NHSL1: variants seen among roughly 807,000 people sequenced by gnomAD.
The protein encoded by NHSL1 is NHS-like protein 1.
A neutral mutation model predicts 95.0 loss-of-function variants in NHSL1; 48 were observed. The ratio of observed to expected loss-of-function variants is 0.51; its 90% CI spans 0.40 to 0.64. NHSL1 has a LOEUF of 0.64. NHSL1 is among the 30% of genes least tolerant of loss of function. The pLI is 0.00. For synonymous variants in NHSL1, 783 were observed against 833.9 expected, an observed-to-expected ratio of 0.94 and a Z score of 1.05; for missense variants, 1,971 against 2,077.7, an observed-to-expected ratio of 0.95 and a Z score of 1.00.
At chr6:138,510,761 T>G (rs971223244) in intron 1 of NHSL1, among the ~76,000 whole-genome samples, 1 of 152,204 alleles carries the variant, frequency 6.6e-6, no homozygotes, top group Non-Finnish European at 1.5e-5. Flanking sequence ...CAATTCATAT[T>G]GAAAAGACCA....
At chr6:138,481,979 A>G (rs182573657) in intron 2 of NHSL1, among the ~76,000 whole-genome samples, 2 of 152,330 alleles carry the variant, frequency 1.3e-5, no homozygotes, top group African/African-American at 4.8e-5. Context: ...AAAAGTAAAT[A>G]TTTTATCTCT....
At chr6:138,461,853 C>T (rs1031061940) in intron 3 of NHSL1, among the ~76,000 whole-genome samples, 4 of 152,074 alleles carry the variant, frequency 2.6e-5, no homozygotes, top group Admixed American at 6.6e-5. Flanking sequence ...ATGATGCAAT[C>T]AAGACAGAAA....
chr6:138,461,958 C>G (rs565890745), intron 3 of NHSL1, among the ~76,000 whole-genome samples: 1 of 152,284 alleles, frequency 6.6e-6, no homozygotes, highest in African/African-American at 2.4e-5. Context: ...TGAGTGCCTA[C>G]TGTGTGCCAG....
At chr6:138,599,474 T>C (rs1784344648) in intron 1 of NHSL1, among the ~76,000 whole-genome samples, 1 of 152,066 alleles carries the variant, frequency 6.6e-6, no homozygotes, top group Non-Finnish European at 1.5e-5. Context: ...ACTGCACCAT[T>C]GCACTCCAGC....
chr6:138,692,962 C>T (rs1042848735), upstream of NHSL1, among the ~76,000 whole-genome samples: 1 of 151,014 alleles, frequency 6.6e-6, no homozygotes, highest in Non-Finnish European at 1.5e-5. This position sits in a 1 kb window ranked among gnomAD's most constrained non-coding sequence, Gnocchi z 4.0. Flanking sequence ...AGCGGGCACC[C>T]GGGCGGCGCG....
In NHSL1 at chr6:138,651,747, G is replaced by A. The variant is rs191020379; in HGVS notation, c.96+40729C>T. ...TCACCACCAGCAAAGAGCTCAAGGC[G>A]CTTACATGAGCAAAGTTACATTGAC... On this transcript the variant is annotated intron_variant, in intron 1 of 3. Coordinates refer to the NHSL1 transcript ENST00000491526. Among the ~76,000 whole-genome samples, 40 of 152,272 alleles carry A rather than the reference G, an allele frequency of 2.6e-4. No homozygotes were observed. The East Asian group carries it at 6.4e-3, about 24-fold the overall frequency.
intron 1 of NHSL1, among the ~76,000 whole-genome samples, chr6:138,600,297 A>C (rs1033363992): frequency 6.6e-6 from 1 of 152,140 alleles, no homozygotes; most frequent in African/African-American, 2.4e-5. Context: ...GCAGTAGCAC[A>C]ATGATGGCTC....
intron 1 of NHSL1, among the ~76,000 whole-genome samples, chr6:138,668,626 C>CTT (rs1231203513): frequency 5.7e-4 from 74 of 130,398 alleles, no homozygotes; most frequent in Middle Eastern, 4.0e-3. Flanking sequence ...ATTTTTTTTT[C>CTT]TTTTTTTTTT....
intron 1 of NHSL1, among the ~76,000 whole-genome samples, chr6:138,606,337 C>T (rs1286686777): frequency 6.6e-6 from 1 of 152,204 alleles, no homozygotes; most frequent in African/African-American, 2.4e-5. Context: ...ACTATCATCA[C>T]AACATTTCAA....
intron 1 of NHSL1, among the ~76,000 whole-genome samples, chr6:138,523,627 GAAAAAA>G (rs67335375): frequency 6.2e-5 from 4 of 64,890 alleles, no homozygotes; most frequent in Admixed American, 1.5e-4. Flanking sequence ...TTTTAAAGAG[GAAAAAA>G]AAAAAAAAAA....
chr6:138,424,997 C>T lies in NHSL1; in HGVS notation c.4086-181G>A, dbSNP rs184390831. ...GTAATCCCAGCATTTTGGGAGGCCA[C>T]GGTGGGAGGATCACTTGAGCTTAGG... On this transcript the variant is annotated intron_variant, in intron 7 of 7. Coordinates refer to ENST00000343505, the MANE Select transcript of NHSL1 (RefSeq NM_001144060.2). This position sits in a 1 kb window ranked among gnomAD's most constrained non-coding sequence, Gnocchi z 5.9. 2.9e-3 allele frequency among the ~76,000 whole-genome samples: 433 copies of T among 151,926 alleles called. 5 individuals carry two copies. The highest frequency in any genetic ancestry group is 0.02 in the Admixed American group (299 of 15,268).
At chr6:138,511,445 TGTGA>T (rs1781225537) in intron 1 of NHSL1, among the ~76,000 whole-genome samples, 1 of 151,752 alleles carries the variant, frequency 6.6e-6, no homozygotes. Flanking sequence ...TGTATGTGTG[TGTGA>T]GTGTGTTTTG....
intron 5 of NHSL1, among the ~76,000 whole-genome samples, chr6:138,436,715 C>T (rs1776124788): frequency 6.6e-6 from 1 of 152,200 alleles, no homozygotes; most frequent in South Asian, 2.1e-4. Context: ...GGAGTCAATG[C>T]CTGTCTTCAA....
intron 5 of NHSL1, among the ~76,000 whole-genome samples, chr6:138,437,445 CA>C (rs1202687511): frequency 0.022 from 1,359 of 61,800 alleles, 69 homozygotes; most frequent in African/African-American, 0.049. Flanking sequence ...CACACACACA[CA>C]AAAAAAAAAA....
At position 138,483,297 on chromosome 6, in the gene NHSL1, T is replaced by G. The variant is rs146034464; in HGVS notation, c.212-9864A>C. Among the ~76,000 whole-genome samples, 30 of 152,346 alleles carry G rather than the reference T, an allele frequency of 2.0e-4. No homozygotes were observed. The East Asian group carries it at 5.8e-3, about 29-fold the overall frequency. On this transcript the variant is annotated intron_variant, in intron 2 of 7. Coordinates refer to ENST00000343505, the MANE Select transcript of NHSL1 (RefSeq NM_001144060.2). Reference sequence around the variant, plus strand: ...AAGGAAAAGAGGGTTGGTCTGTTCTTTTTATTATGTCACAAATGATCCACA... The same window carrying G: ...AAGGAAAAGAGGGTTGGTCTGTTCTGTTTATTATGTCACAAATGATCCACA...
chr6:138,437,570 C>T (rs1270073119), intron 5 of NHSL1, among the ~76,000 whole-genome samples: 1 of 151,446 alleles, frequency 6.6e-6, no homozygotes, highest in East Asian at 1.9e-4. Flanking sequence ...GTAATTTTGA[C>T]TTTCAAGTCT....
rs545094561 is a variant in NHSL1, at chr6:138,446,203, A to T, written c.532+798T>A. Among the ~76,000 whole-genome samples the T allele has an allele frequency of 2.0e-5, 3 of 152,006 alleles. No homozygotes were observed. The East Asian group carries it at 5.8e-4, about 29-fold the overall frequency. On this transcript the variant is annotated intron_variant, in intron 4 of 7. Transcript: ENST00000343505. ...CACGCACGTGCCACCACGCCCTGCTAATTTTGTATTTTTAGTACAGACAGG... is the reference window on the plus strand; with the variant it reads ...CACGCACGTGCCACCACGCCCTGCTTATTTTGTATTTTTAGTACAGACAGG...
At chr6:138,545,556 C>A in intron 1 of NHSL1, 1 of 1,144,932 alleles carries the variant, frequency 8.7e-7, no homozygotes, top group Non-Finnish European at 1.2e-6. Context: ...GATTTAGACT[C>A]TGATGCTAAA....
At chr6:138,437,296 G>GTGTATA (rs1405070382) in intron 5 of NHSL1, among the ~76,000 whole-genome samples, 4 of 96,150 alleles carry the variant, frequency 4.2e-5, no homozygotes, top group African/African-American at 1.8e-4. Flanking sequence ...ATACACAAAT[G>GTGTATA]TATATATATA....
Sources: gnomAD v4.1 joint callset for allele counts (sites outside exome capture counted in the v4.1 genomes callset) on GRCh38, gnomAD v4.1.1 for gene constraint, Gnocchi (gnomAD v3.1) non-coding constraint, MANE v1.5 for transcripts, NCBI Gene and HGNC (gene_info 2026-07-23, HGNC 2026-07-21) for gene names.